The following IL1RAPL2 variants were observed in gnomAD, a reference collection of about 807,000 sequenced individuals.
IL1RAPL2 encodes interleukin 1 receptor accessory protein like 2, also known as X-linked interleukin-1 receptor accessory protein-like 2.
A neutral mutation model predicts 44.1 loss-of-function variants in IL1RAPL2; 3 were observed. That is an observed-to-expected ratio of 0.07 (90% CI 0.03 to 0.18). The LOEUF (loss-of-function observed/expected upper bound fraction) is 0.18. Ranked by LOEUF, IL1RAPL2 falls within the 10% of genes least tolerant of loss-of-function variation. IL1RAPL2 has a pLI of 1.00. For synonymous variants in IL1RAPL2, 181 were observed against 178.8 expected, an observed-to-expected ratio of 1.01 and a Z score of -0.10; for missense variants, 391 against 496.4, an observed-to-expected ratio of 0.79 and a Z score of 2.02.
chrX:105,183,246 G>A (rs73529923), intron 2 of IL1RAPL2, among the ~76,000 whole-genome samples: 6,142 of 110,828 alleles, frequency 0.055, 432 homozygotes, highest in African/African-American at 0.19. Context: ...GGGAGTAGGC[G>A]GGGGGGCAAT....
At chrX:104,643,236 A>G (rs985100125) in intron 1 of IL1RAPL2, among the ~76,000 whole-genome samples, 1 of 111,754 alleles carries the variant, frequency 8.9e-6, no homozygotes, top group African/African-American at 3.3e-5. Flanking sequence ...TGAAGGCTTT[A>G]AGAAACAATT....
chrX:105,378,143 C>A (rs1299575710), intron 5 of IL1RAPL2, among the ~76,000 whole-genome samples: 1 of 111,315 alleles, frequency 9.0e-6, no homozygotes, highest in Non-Finnish European at 1.9e-5. Context: ...TTCATGGAAA[C>A]TATTGGATGA....
intron 6 of IL1RAPL2, among the ~76,000 whole-genome samples, chrX:105,492,539 TATA>T (rs750057838): frequency 2.7e-5 from 3 of 109,966 alleles, no homozygotes; most frequent in Admixed American, 2.0e-4. Flanking sequence ...CAATTATTAT[TATA>T]ATCTTATTTA....
chrX:104,764,340 ATTTC>A (rs1362038323), intron 2 of IL1RAPL2, among the ~76,000 whole-genome samples: 9 of 111,197 alleles, frequency 8.1e-5, no homozygotes, highest in Non-Finnish European at 1.5e-4. Flanking sequence ...CTACATTTTT[ATTTC>A]TTTTTCACAT....
chrX:105,507,477 C>T (rs1315993548), intron 6 of IL1RAPL2, among the ~76,000 whole-genome samples: 1 of 111,312 alleles, frequency 9.0e-6, no homozygotes, highest in Non-Finnish European at 1.9e-5. Context: ...ACTCCCTTCC[C>T]CCTCCCATCA....
intron 2 of IL1RAPL2, among the ~76,000 whole-genome samples, chrX:104,761,700 G>A (rs959194564): frequency 9.0e-6 from 1 of 111,409 alleles, no homozygotes; most frequent in African/African-American, 3.3e-5. Context: ...GGGGGTACAG[G>A]CGTTAGATAA....
chrX:104,858,230 G>A (rs1922413316), intron 2 of IL1RAPL2, among the ~76,000 whole-genome samples: 2 of 111,362 alleles, frequency 1.8e-5, no homozygotes, highest in East Asian at 2.8e-4. Context: ...TTCATTCTTG[G>A]TACCCTAATA....
chrX:104,884,817 T>C (rs1172979880), intron 2 of IL1RAPL2, among the ~76,000 whole-genome samples: 1 of 111,325 alleles, frequency 9.0e-6, no homozygotes, highest in Non-Finnish European at 1.9e-5. Context: ...TACCCCCATA[T>C]CCTAGCCTCC....
At chrX:105,078,733 G>A (rs1311273880) in intron 2 of IL1RAPL2, among the ~76,000 whole-genome samples, 3 of 103,539 alleles carry the variant, frequency 2.9e-5, no homozygotes, top group South Asian at 4.2e-4. Context: ...TGAGCAATGC[G>A]GTCGCCCCTC....
intron 5 of IL1RAPL2, among the ~76,000 whole-genome samples, chrX:105,429,906 T>C: frequency 9.0e-6 from 1 of 111,583 alleles, no homozygotes; most frequent in Non-Finnish European, 1.9e-5. Flanking sequence ...TCTCAGGTTT[T>C]TCTTTTTGTA....
chrX:105,291,380 T>C (rs769199977), intron 5 of IL1RAPL2, among the ~76,000 whole-genome samples: 113 of 111,989 alleles, frequency 1.0e-3, no homozygotes, highest in Non-Finnish European at 1.4e-3. Context: ...TAAATTGTAA[T>C]GTTTTTTAAG....
intron 1 of IL1RAPL2, among the ~76,000 whole-genome samples, chrX:104,572,830 G>A (rs1450201134): frequency 2.7e-5 from 3 of 111,615 alleles, no homozygotes; most frequent in Non-Finnish European, 5.6e-5. Context: ...CTTGAACTCT[G>A]GGCTCAAGCC....
chrX:104,944,436 T>C (rs1482050706), intron 2 of IL1RAPL2, among the ~76,000 whole-genome samples: 1 of 112,042 alleles, frequency 8.9e-6, no homozygotes, highest in Non-Finnish European at 1.9e-5. Flanking sequence ...AAAATAGATC[T>C]TTTACAGCCT....
At chrX:105,748,665 C>A (rs2038570022) in intron 8 of IL1RAPL2, among the ~76,000 whole-genome samples, 1 of 112,135 alleles carries the variant, frequency 8.9e-6, no homozygotes, top group Non-Finnish European at 1.9e-5. Flanking sequence ...CCCTGAAATA[C>A]ATTTAGAGCA....
rs1467707560 is a variant in IL1RAPL2, at chrX:104,739,449, T to C, written c.82+80454T>C. ...GGGGCCACCCCCATTGGTTTTGATT[T>C]ATAATAACTGCGTAAGGAGTGTGGT... On this transcript the variant is annotated intron_variant, in intron 2 of 10. Transcript: ENST00000372582. Among the ~76,000 whole-genome samples the C allele has an allele frequency of 3.6e-5, 4 of 112,237 alleles. No individual in the cohort carries two copies. The East Asian group carries it at 1.1e-3, about 32-fold the overall frequency.
At chrX:105,678,472 T>G (rs926517619) in intron 6 of IL1RAPL2, among the ~76,000 whole-genome samples, 21 of 111,241 alleles carry the variant, frequency 1.9e-4, no homozygotes, top group Non-Finnish European at 3.6e-4. Flanking sequence ...TTTGTATCCA[T>G]TAACCATCCC....
chrX:105,394,231 T>C (rs2035546944), intron 5 of IL1RAPL2, among the ~76,000 whole-genome samples: 1 of 112,311 alleles, frequency 8.9e-6, no homozygotes, highest in African/African-American at 3.2e-5. Context: ...TTGGATTTGC[T>C]AAAACTTATT....
chrX:105,367,963 G>T (rs1166127154), intron 5 of IL1RAPL2, among the ~76,000 whole-genome samples: 1 of 110,730 alleles, frequency 9.0e-6, no homozygotes, highest in East Asian at 2.9e-4. Context: ...GATTGTCTGA[G>T]AAAGTTTTTT....
chrX:104,940,370 C>G (rs1341752360), intron 2 of IL1RAPL2, among the ~76,000 whole-genome samples: 1 of 111,380 alleles, frequency 9.0e-6, no homozygotes, highest in Admixed American at 9.6e-5. Context: ...TTCAAGTGAC[C>G]TGTTTTGGAG....
Sources: allele counts gnomAD v4.1 joint callset (sites outside exome capture counted in the v4.1 genomes callset), GRCh38; gene constraint gnomAD v4.1.1; transcripts MANE v1.5; gene names NCBI Gene and HGNC (gene_info 2026-07-23, HGNC 2026-07-21).